TET2: variants seen among roughly 807,000 people sequenced by gnomAD.
TET2 encodes methylcytosine dioxygenase TET2.
A neutral mutation model predicts 142.9 loss-of-function variants in TET2; 299 were observed. The ratio of observed to expected loss-of-function variants is 2.09; its 90% CI spans 1.90 to 2.30. The LOEUF (loss-of-function observed/expected upper bound fraction) is 2.30, where lower values mean the gene tolerates loss of function less well. Among genes scored for constraint, TET2 ranks in the 30% most tolerant of loss-of-function variants. The pLI, the probability that TET2 is intolerant of heterozygous loss-of-function variation, is 0.00. For synonymous variants in TET2, 819 were observed against 849.0 expected, an observed-to-expected ratio of 0.96 and a Z score of 0.61; for missense variants, 2,418 against 2,378.0, an observed-to-expected ratio of 1.02 and a Z score of -0.35.
At position 105,279,128 on chromosome 4, in the gene TET2, CAT is replaced by C. The variant is rs761356714; in HGVS notation, c.*2610_*2611del. The C allele has an allele frequency of 1.5e-4, 35 of 232,598 alleles. No homozygotes were observed. Among genetic ancestry groups the C allele is most frequent in the Non-Finnish European group, 2.4e-4 (28 of 117,700 alleles). The allele number at this position is 232,598 out of a possible 1,614,324, so 14.4% of individuals were successfully genotyped here. On this transcript the variant is annotated 3_prime_UTR_variant, in exon 11 of 11. Coordinates refer to ENST00000380013, the MANE Select transcript of TET2 (RefSeq NM_001127208.3). ...AAATGTTTGCTTTGCTTACAAACCA[CAT>C]GATTTTAATGTTTTTTGTATACCAT...
At chr4:105,221,764 G>A (rs1035472109) in intron 2 of TET2, among the ~76,000 whole-genome samples, 2 of 151,502 alleles carry the variant, frequency 1.3e-5, no homozygotes, top group African/African-American at 4.9e-5. Context: ...GGCACAATGT[G>A]CAGGTTAGTT....
intron 1 of TET2, among the ~76,000 whole-genome samples, chr4:105,174,960 TCTGG>T (rs1724694256): frequency 6.6e-6 from 1 of 152,124 alleles, no homozygotes; most frequent in African/African-American, 2.4e-5. Context: ...AATATATAAC[TCTGG>T]ACAACTCAAA....
At chr4:105,163,804 TTCGAGA>T (rs1205820848) in intron 1 of TET2, among the ~76,000 whole-genome samples, 9 of 103,410 alleles carry the variant, frequency 8.7e-5, no homozygotes, top group African/African-American at 1.1e-4. Context: ...GCTCGAAAGT[TTCGAGA>T]GAGAGAGAGA....
chr4:105,196,493 T>C (rs912646788), intron 2 of TET2, among the ~76,000 whole-genome samples: 3 of 152,172 alleles, frequency 2.0e-5, no homozygotes, highest in Non-Finnish European at 4.4e-5. Context: ...CTACAGAAAG[T>C]AGATCAAACT....
intron 2 of TET2, among the ~76,000 whole-genome samples, chr4:105,232,770 G>C (rs886988896): frequency 6.6e-6 from 1 of 152,160 alleles, no homozygotes; most frequent in Admixed American, 6.5e-5. Flanking sequence ...CATTTAAACA[G>C]AAATTCTCAA....
At chr4:105,214,022 C>T (rs1177630394) in intron 2 of TET2, among the ~76,000 whole-genome samples, 1 of 152,064 alleles carries the variant, frequency 6.6e-6, no homozygotes, top group Non-Finnish European at 1.5e-5. Flanking sequence ...CCATGCCTGG[C>T]TAACTTTTAG....
intron 2 of TET2, among the ~76,000 whole-genome samples, chr4:105,201,431 G>T (rs1726458997): frequency 6.6e-6 from 1 of 152,130 alleles, no homozygotes; most frequent in African/African-American, 2.4e-5. Flanking sequence ...ACAATAGGGG[G>T]TGCATTTGTG....
chr4:105,210,054 G>A (rs1030867662), intron 2 of TET2, among the ~76,000 whole-genome samples: 7 of 152,158 alleles, frequency 4.6e-5, no homozygotes, highest in African/African-American at 9.7e-5. Flanking sequence ...AAGTAACTGC[G>A]TGGATGATAG....
Position 105,235,139 on chromosome 4 carries a change from AC to A in TET2, c.1199del (p.Pro400HisfsTer27). 6.2e-7 allele frequency: 1 copy of A among 1,613,698 alleles called. No individual in the cohort carries two copies. The highest frequency in any genetic ancestry group is 8.5e-7 in the Non-Finnish European group (1 of 1,179,862). ...CCTTTTCTGCCACTACCACACCACC[AC>A]CACCATCACAATTGCTTCTTTCTCC... ...DSFSATTTPP[P>X]PSQLLLSPPP... On this transcript the variant is annotated frameshift_variant, in exon 3 of 11. Transcript: ENST00000380013. LOFTEE classifies it high-confidence loss of function.
chr4:105,162,615 C>G (rs1233601819), intron 1 of TET2, among the ~76,000 whole-genome samples: 1 of 152,162 alleles, frequency 6.6e-6, no homozygotes, highest in Non-Finnish European at 1.5e-5. Flanking sequence ...CTTTCATAAC[C>G]AAGCTGACTC....
chr4:105,242,050 T>A (rs1379528629), intron 4 of TET2: 4 of 1,234,144 alleles, frequency 3.2e-6, no homozygotes, highest in Non-Finnish European at 4.1e-6. Flanking sequence ...TCATATAAAT[T>A]TATACAGCTC....
intron 8 of TET2, among the ~76,000 whole-genome samples, chr4:105,265,851 C>A (rs1730657397): frequency 6.6e-6 from 1 of 152,116 alleles, no homozygotes; most frequent in Non-Finnish European, 1.5e-5. Context: ...CCTATAAATA[C>A]CCCAGTTTAC....
At chr4:105,272,258 A>G (rs1730997536) in intron 9 of TET2, among the ~76,000 whole-genome samples, 1 of 152,126 alleles carries the variant, frequency 6.6e-6, no homozygotes, top group African/African-American at 2.4e-5. Flanking sequence ...ATTTTGGGGG[A>G]GTGTTGCTTC....
Position 105,234,934 on chromosome 4 carries a change from T to C in TET2, c.992T>C (p.Ile331Thr). 6.2e-7 allele frequency: 1 copy of C among 1,614,054 alleles called. No individual in the cohort carries two copies. Among genetic ancestry groups the C allele is most frequent in the Non-Finnish European group, 8.5e-7 (1 of 1,179,994 alleles). Residue 331 changes from isoleucine (I) to threonine (T), a missense_variant, in exon 3 of 11, where the codon ATA (isoleucine) becomes ACA (threonine). Coordinates refer to ENST00000380013, the MANE Select transcript of TET2 (RefSeq NM_001127208.3). ...QLQQQKSVFE[I>T]CPSPAENNIQ... ...CAACAACAAAAATCAGTTTTTGAGA[T>C]ATGCCCATCTCCTGCAGAAAATAAC...
intron 8 of TET2, among the ~76,000 whole-genome samples, chr4:105,263,900 T>G (rs1328509277): frequency 2.6e-5 from 4 of 152,002 alleles, no homozygotes; most frequent in Non-Finnish European, 5.9e-5. Context: ...GGAGGAAAGC[T>G]GGAATGATGA....
At chr4:105,165,758 G>C (rs183601001) in intron 1 of TET2, among the ~76,000 whole-genome samples, 1 of 152,308 alleles carries the variant, frequency 6.6e-6, no homozygotes, top group Admixed American at 6.5e-5. Flanking sequence ...TGAAATGTTT[G>C]ATTGGTTGCT....
rs1013585232 is a variant in TET2 at position 105,190,166 on chromosome 4, A to G, written c.-192-194A>G. 5.3e-5 allele frequency among the ~76,000 whole-genome samples: 8 copies of G among 152,202 alleles called. 1 individual carries two copies. The highest frequency in any genetic ancestry group is 2.0e-4 in the Admixed American group (3 of 15,284). The stretch of plus-strand genomic sequence containing the variant: ...TTGGGCATGGCAAAGTGTTCTACAG[A>G]TATTAGAATTGTTATTATGGTACAT... On this transcript the variant is annotated intron_variant, in intron 1 of 10. Transcript: ENST00000380013.
At chr4:105,242,027 C>T in intron 4 of TET2, 1 of 1,238,384 alleles carries the variant, frequency 8.1e-7, no homozygotes, top group Non-Finnish European at 1.0e-6. Flanking sequence ...CGAGATAATG[C>T]AGAGAAGGCC....
chr4:105,163,421 A>G lies in TET2; in HGVS notation c.-193+16442A>G, dbSNP rs543211285. Among the ~76,000 whole-genome samples, 8 of 152,296 alleles carry G rather than the reference A, an allele frequency of 5.3e-5. No individual in the cohort carries two copies. The East Asian group carries it at 1.5e-3, about 29-fold the overall frequency. On this transcript the variant is annotated intron_variant, in intron 1 of 10. Transcript: ENST00000380013. ...AGGACTTTAGAGACTCAGTAACCCC[A>G]TTCCTTGCATTTACAGATGAGAAAA... is the stretch of plus-strand genomic sequence containing the variant.
Sources: gnomAD v4.1 joint callset for allele counts (sites outside exome capture counted in the v4.1 genomes callset) on GRCh38, gnomAD v4.1.1 for gene constraint, MANE v1.5 for transcripts, NCBI Gene and HGNC (gene_info 2026-07-23, HGNC 2026-07-21) for gene names.